The following FAM193B variants were observed in gnomAD, a reference collection of about 807,000 sequenced individuals.
The protein encoded by FAM193B is protein FAM193B.
Under a neutral mutation model 70.7 loss-of-function variants are expected in FAM193B, and 27 were observed. The ratio of observed to expected loss-of-function variants is 0.38; its 90% CI spans 0.28 to 0.53. The LOEUF (loss-of-function observed/expected upper bound fraction) is 0.53, where lower values mean the gene tolerates loss of function less well. FAM193B is among the 20% of genes least tolerant of loss of function. The probability of loss-of-function intolerance (pLI) is 0.81; values close to 1 mark genes in which losing one functional copy is unlikely to be tolerated. For synonymous variants in FAM193B, 448 were observed against 436.0 expected (o/e 1.03, Z -0.34); for missense variants, 1,022 against 1,072.5 (o/e 0.95, Z 0.66).
Position 177,524,672 on chromosome 5 carries a change from C to T in FAM193B, c.1809G>A (p.Lys603=). The T allele has an allele frequency of 6.2e-7, 1 of 1,611,054 alleles. No individual in the cohort carries two copies. Among genetic ancestry groups the T allele is most frequent in the Non-Finnish European group, 8.5e-7 (1 of 1,178,796 alleles). Residue 603 remains lysine, a synonymous_variant, in exon 6 of 9, where the codon AAG becomes AAA. Transcript: ENST00000514747. ...LSRVIWVKTP[K]PGYPSSEEPS... The stretch of plus-strand genomic sequence containing the variant: ...GCTCCTCGGAGCTGGGGTAGCCCGG[C>T]TTGGGTGTCTTGACCCAGATCACCC...
intron 1 of FAM193B, among the ~76,000 whole-genome samples, chr5:177,548,833 A>T (rs976416055): frequency 6.6e-6 from 1 of 152,100 alleles, no homozygotes; most frequent in African/African-American, 2.4e-5. Flanking sequence ...CCTTTCATTG[A>T]TTCTTCACCA....
Position 177,524,553 on chromosome 5 carries a change from T to C in FAM193B, c.1928A>G (p.Gln643Arg). 6.2e-7 allele frequency: 1 copy of C among 1,610,758 alleles called. No homozygotes were observed. Among genetic ancestry groups the C allele is most frequent in the Non-Finnish European group, 8.5e-7 (1 of 1,178,550 alleles). Residue 643 changes from glutamine to arginine, a missense_variant, in exon 6 of 9, where the codon CAG (glutamine) becomes CGG (arginine). Transcript: ENST00000514747. ...KPQKGKRQGS[Q>R]AKKSEASPAP... Reference sequence around the variant, plus strand: ...TGGGCTTGCCTCGCTCTTCTTGGCCTGACTGCCCTGCCTCTTGCCCTTCTG... The same window carrying C: ...TGGGCTTGCCTCGCTCTTCTTGGCCCGACTGCCCTGCCTCTTGCCCTTCTG...
intron 1 of FAM193B, among the ~76,000 whole-genome samples, chr5:177,552,528 G>A (rs990953932): frequency 1.3e-5 from 2 of 152,230 alleles, no homozygotes; most frequent in African/African-American, 4.8e-5. Flanking sequence ...ATGTGGCAGA[G>A]ACCCTGAAGT....
chr5:177,523,174 A>AT, intron 7 of FAM193B: 1 of 341,840 alleles, frequency 2.9e-6, no homozygotes, highest in African/African-American at 2.2e-5. Flanking sequence ...TTATTTTTCT[A>AT]TTTTTAGTAG....
rs1208467057 is a variant in FAM193B, at chr5:177,554,536, G to GCCGCCGCCGCCGCCGCCGCCGCCGCCGC, written c.-79_-78insGCGGCGGCGGCGGCGGCGGCGGCGGCGG. The GCCGCCGCCGCCGCCGCCGCCGCCGCCGC allele has an allele frequency of 4.5e-6, 4 of 883,832 alleles. No homozygotes were observed. Among genetic ancestry groups the GCCGCCGCCGCCGCCGCCGCCGCCGCCGC allele is most frequent in the African/African-American group, 3.7e-5 (2 of 54,676 alleles). 54.7% of individuals were successfully genotyped at this position (883,832 alleles called of 1,614,324 possible). ...CGCCGCCGCCGCCGCCGCCGCTACCGCTCCCCTCACAGGACAACAGCCAAT... is the reference window on the plus strand; with the variant it reads ...CGCCGCCGCCGCCGCCGCCGCTACCGCCGCCGCCGCCGCCGCCGCCGCCGCCGCCTCCCCTCACAGGACAACAGCCAAT... On this transcript the variant is annotated 5_prime_UTR_variant, in exon 1 of 9. Transcript: ENST00000514747.
chr5:177,531,844 CTAAAA>C, intron 5 of FAM193B: 1 of 1,158,194 alleles, frequency 8.6e-7, no homozygotes, highest in South Asian at 1.6e-5. Context: ...TTTGTCATCT[CTAAAA>C]TGAGGATAAT....
At chr5:177,547,784 G>A (rs1765642177) in intron 1 of FAM193B, among the ~76,000 whole-genome samples, 1 of 152,104 alleles carries the variant, frequency 6.6e-6, no homozygotes, top group African/African-American at 2.4e-5. Context: ...GCTACCACTT[G>A]TGCTAAGCAT....
At chr5:177,521,261 G>A (rs1015259743) in intron 8 of FAM193B, among the ~76,000 whole-genome samples, 1 of 152,176 alleles carries the variant, frequency 6.6e-6, no homozygotes, top group Non-Finnish European at 1.5e-5. Context: ...TCATCAATAG[G>A]GTTCCAGGCC....
At chr5:177,552,212 G>T in intron 1 of FAM193B, 1 of 258,618 alleles carries the variant, frequency 3.9e-6, no homozygotes, top group Non-Finnish European at 6.0e-6. Flanking sequence ...GGGTACAATG[G>T]TGACTGACAT....
intron 1 of FAM193B, among the ~76,000 whole-genome samples, chr5:177,542,775 G>A (rs547017391): frequency 6.6e-6 from 1 of 152,154 alleles, no homozygotes; most frequent in Non-Finnish European, 1.5e-5. Flanking sequence ...AGTACACTGT[G>A]CCTTGGTTAC....
intron 5 of FAM193B, among the ~76,000 whole-genome samples, chr5:177,529,714 A>G (rs763731920): frequency 6.6e-6 from 1 of 152,222 alleles, no homozygotes; most frequent in Non-Finnish European, 1.5e-5. Context: ...GGGAAGAGAC[A>G]TCTGAGCACA....
intron 1 of FAM193B, chr5:177,553,751 G>A (rs1766629739): frequency 7.8e-7 from 1 of 1,287,748 alleles, no homozygotes; most frequent in Non-Finnish European, 1.0e-6. Context: ...TGCTGGGTAT[G>A]GCGAGGAGGC....
At chr5:177,534,427 G>T (rs1352549181) in intron 4 of FAM193B, among the ~76,000 whole-genome samples, 1 of 151,364 alleles carries the variant, frequency 6.6e-6, no homozygotes, top group African/African-American at 2.4e-5. Flanking sequence ...CTCCTGAGTA[G>T]CTGGGACTAC....
intron 5 of FAM193B, among the ~76,000 whole-genome samples, chr5:177,527,101 G>A (rs1762726846): frequency 2.6e-5 from 4 of 151,148 alleles, no homozygotes; most frequent in Admixed American, 2.6e-4. Flanking sequence ...CACAGAATGG[G>A]GAGTGGAATC....
rs1762280449 is a variant in FAM193B, at chr5:177,524,485, C to T, written c.1996G>A (p.Gly666Ser). The T allele has an allele frequency of 4.3e-6, 7 of 1,612,820 alleles. No individual in the cohort carries two copies. In the East Asian group the frequency reaches 1.6e-4, roughly 36 times the overall value. ...PASLEVPSAK[G>S]QVAGPKQPGR... ...GGCTGCTTGGGGCCAGCGACCTGGC[C>T]CTTGGCACTGGGAACCTCTAGGCTG... The change falls in exon 6 of 9, where the codon GGC becomes AGC. Residue 666 changes from glycine to serine, a missense_variant. Transcript: ENST00000514747.
rs900203616 is a variant in FAM193B, at chr5:177,525,076, T to C, written c.1405A>G (p.Ser469Gly). ...WPDRELDRVN[S>G]FLSSRLQEIK... ...TCCTGCAGACGGCTGCTCAGGAAGC[T>C]GTTGACCCGATCCAGTTCCCGGTCG... The change falls in exon 6 of 9, where the codon AGC becomes GGC. Residue 469 changes from serine to glycine, a missense_variant. Coordinates refer to ENST00000514747, the MANE Select transcript of FAM193B (RefSeq NM_001190946.3). 2 of 1,598,628 alleles carry C rather than the reference T, an allele frequency of 1.3e-6. No homozygotes were observed. Among genetic ancestry groups the C allele is most frequent in the Admixed American group, 1.8e-5 (1 of 56,938 alleles).
rs1405390879 is a variant in FAM193B, at chr5:177,538,095, G to C, written c.466C>G (p.His156Asp). ...CAAGACTGTGATTTGCAGGATGTGT[G>C]TGACAAGGAGATCTGGAGAAGGGGG... ...REHAVAISLSHTSCKSQSCGD... is the reference protein window; with the variant it reads ...REHAVAISLSDTSCKSQSCGD... The change falls in exon 3 of 9, where the codon CAC becomes GAC. Residue 156 changes from histidine to aspartate, a missense_variant. Physicochemically the swap from His to Asp is moderately conservative, Grantham distance 81. Coordinates refer to ENST00000514747, the MANE Select transcript of FAM193B (RefSeq NM_001190946.3). This position sits in a 1 kb window ranked among gnomAD's most constrained non-coding sequence, Gnocchi z 4.1. 6.5e-7 allele frequency: 1 copy of C among 1,541,476 alleles called. No homozygotes were observed. Among genetic ancestry groups the C allele is most frequent in the East Asian group, 2.5e-5 (1 of 40,650 alleles).
intron 1 of FAM193B, chr5:177,554,035 CT>C (rs1201426096): frequency 2.2e-5 from 30 of 1,342,192 alleles, no homozygotes; most frequent in Non-Finnish European, 2.9e-5. Flanking sequence ...CAGCTTCAGC[CT>C]AGTCGCAGGA....
At chr5:177,523,092 C>A in intron 7 of FAM193B, 1 of 213,458 alleles carries the variant, frequency 4.7e-6, no homozygotes, top group Non-Finnish European at 1.0e-5. Flanking sequence ...CTCCACCTCC[C>A]AGGTTCCAGC....
Sources: allele counts gnomAD v4.1 joint callset (sites outside exome capture counted in the v4.1 genomes callset), GRCh38; gene constraint gnomAD v4.1.1; non-coding constraint Gnocchi (gnomAD v3.1); transcripts MANE v1.5; gene names NCBI Gene and HGNC (gene_info 2026-07-23, HGNC 2026-07-21).